MORC1: variants seen among roughly 807,000 people sequenced by gnomAD.
MORC1 encodes the protein MORC family CW-type zinc finger 1.
MORC1 carries 59 observed loss-of-function variants against 134.9 expected under a neutral mutation model. That is an observed-to-expected ratio of 0.44 (90% CI 0.35 to 0.54). The LOEUF is 0.54. Ranked by LOEUF, MORC1 falls within the 20% of genes least tolerant of loss-of-function variation. The pLI, the probability that MORC1 is intolerant of heterozygous loss-of-function variation, is 0.00. For missense variants in MORC1, 947 were observed against 1,134.5 expected, an observed-to-expected ratio of 0.83 and a Z score of 2.37; for synonymous variants, 395 against 391.7, an observed-to-expected ratio of 1.01 and a Z score of -0.10.
At chr3:109,003,776 T>C (rs1948467395) in intron 20 of MORC1, among the ~76,000 whole-genome samples, 1 of 152,144 alleles carries the variant, frequency 6.6e-6, no homozygotes, top group African/African-American at 2.4e-5. Flanking sequence ...TCATATAGTC[T>C]CAAGAAAAGA....
chr3:108,977,941 G>C (rs1947607767), intron 24 of MORC1, among the ~76,000 whole-genome samples: 1 of 152,062 alleles, frequency 6.6e-6, no homozygotes, highest in African/African-American at 2.4e-5. Context: ...GCAGTGGCGC[G>C]ATCTCAGCTC....
intron 14 of MORC1, among the ~76,000 whole-genome samples, chr3:109,044,015 C>G (rs3804682): frequency 6.6e-6 from 1 of 151,970 alleles, no homozygotes; most frequent in Non-Finnish European, 1.5e-5. Flanking sequence ...GCTGAAAGCA[C>G]ACAGCTAATT....
At chr3:108,988,791 G>T (rs1430819407) in intron 21 of MORC1, among the ~76,000 whole-genome samples, 1 of 152,114 alleles carries the variant, frequency 6.6e-6, no homozygotes, top group Non-Finnish European at 1.5e-5. Context: ...TCCCAGAAGA[G>T]AAATTTTGTT....
At chr3:109,104,349 C>T (rs1950982481) in intron 3 of MORC1, among the ~76,000 whole-genome samples, 1 of 152,106 alleles carries the variant, frequency 6.6e-6, no homozygotes. Flanking sequence ...TTATTAAATC[C>T]ATCAGGCTCC....
chr3:108,978,718 A>G (rs907178072), intron 24 of MORC1, among the ~76,000 whole-genome samples: 1 of 152,166 alleles, frequency 6.6e-6, no homozygotes, highest in Admixed American at 6.5e-5. Context: ...AGATCATGTC[A>G]ATCACTGACG....
At chr3:109,012,216 AT>A in intron 17 of MORC1, among the ~76,000 whole-genome samples, 1 of 152,294 alleles carries the variant, frequency 6.6e-6, no homozygotes, top group South Asian at 2.1e-4. Context: ...TTATTCTCTC[AT>A]TAAAATGTCT....
chr3:109,093,317 G>A, intron 8 of MORC1, 119 bp downstream of exon 8: 1 of 685,194 alleles, frequency 1.5e-6, no homozygotes, highest in Non-Finnish European at 2.5e-6. Context: ...AGTAACTAGG[G>A]TAAGATGAAT....
At chr3:108,977,201 T>A (rs997409722) in intron 24 of MORC1, among the ~76,000 whole-genome samples, 1 of 152,126 alleles carries the variant, frequency 6.6e-6, no homozygotes, top group African/African-American at 2.4e-5. Flanking sequence ...TAATTGTCCA[T>A]GAGACTTGTA....
At chr3:109,087,920 C>T (rs534629627) in intron 8 of MORC1, among the ~76,000 whole-genome samples, 5 of 152,140 alleles carry the variant, frequency 3.3e-5, no homozygotes, top group African/African-American at 1.2e-4. Context: ...AGAAATAAGG[C>T]TGCACACCTA....
At chr3:109,093,864 G>A (rs916158792) in intron 7 of MORC1, among the ~76,000 whole-genome samples, 54 of 152,194 alleles carry the variant, frequency 3.5e-4, no homozygotes, top group Admixed American at 2.6e-4. Flanking sequence ...CCTGAGCCAA[G>A]CTTGTGTTAT....
At chr3:109,030,404 CT>C (rs952644769) in intron 16 of MORC1, among the ~76,000 whole-genome samples, 13 of 152,180 alleles carry the variant, frequency 8.5e-5, no homozygotes, top group African/African-American at 3.1e-4. Flanking sequence ...TTTCTTCCCC[CT>C]CCCTGGGAAT....
At chr3:109,023,347 T>C (rs1235707890) in intron 17 of MORC1, among the ~76,000 whole-genome samples, 1 of 152,236 alleles carries the variant, frequency 6.6e-6, no homozygotes, top group African/African-American at 2.4e-5. Flanking sequence ...GCCTGGGCTG[T>C]AGGCCAAGAA....
chr3:109,113,713 A>C (rs562473793), intron 2 of MORC1, among the ~76,000 whole-genome samples: 54 of 152,116 alleles, frequency 3.5e-4, no homozygotes, highest in Admixed American at 1.0e-3. Context: ...CCACAAATAC[A>C]CTACTGAGCA....
At chr3:109,101,461 T>C (rs1950923358) in intron 4 of MORC1, 1 of 152,230 alleles carries the variant, frequency 6.6e-6, no homozygotes, top group South Asian at 2.1e-4. Flanking sequence ...AGAATGTTCT[T>C]CTTGTTGGCC....
Position 109,054,795 on chromosome 3 carries a change from T to C in MORC1, c.1263A>G (p.Gln421=), listed in dbSNP as rs1000038007. ...SHNKQEFLNV[Q]EYNHLLKVMG... ...TGACTTTTAGTAGATGATTATACTC[T>C]TGGACATTGAGAAATTCCTGTTTAT... Residue 421 remains glutamine (Q), a synonymous_variant, in exon 14 of 28, where the codon CAA becomes CAG. Transcript: ENST00000232603. The C allele has an allele frequency of 3.1e-6, 5 of 1,606,130 alleles. No homozygotes were observed. In the African/African-American group the frequency reaches 5.4e-5, roughly 17 times the overall value.
intron 26 of MORC1, among the ~76,000 whole-genome samples, chr3:108,966,607 A>C (rs1014952458): frequency 1.3e-5 from 2 of 152,192 alleles, no homozygotes; most frequent in African/African-American, 4.8e-5. Flanking sequence ...TAAGATAGAA[A>C]TGTTAACTAA....
chr3:109,035,107 C>G (rs1446498051), intron 15 of MORC1, among the ~76,000 whole-genome samples: 1 of 152,074 alleles, frequency 6.6e-6, no homozygotes, highest in Non-Finnish European at 1.5e-5. Flanking sequence ...TGCCTCTACT[C>G]CCCCATCCTT....
At chr3:109,047,512 C>G (rs565714085) in intron 14 of MORC1, among the ~76,000 whole-genome samples, 284 of 151,732 alleles carry the variant, frequency 1.9e-3, no homozygotes, top group African/African-American at 6.6e-3. Context: ...CAATTACCAG[C>G]TGAAAGCAAT....
At chr3:109,103,819 G>A (rs764089890) in intron 4 of MORC1, 30 bp downstream of exon 4, 6 of 1,570,122 alleles carry the variant, frequency 3.8e-6, no homozygotes, top group Non-Finnish European at 5.3e-6. Context: ...TCCTTTAACA[G>A]CCAGTTAGGT....
Sources: allele counts gnomAD v4.1 joint callset (sites outside exome capture counted in the v4.1 genomes callset), GRCh38; gene constraint gnomAD v4.1.1; transcripts MANE v1.5; gene names NCBI Gene and HGNC (gene_info 2026-07-23, HGNC 2026-07-21).